Variants in PPIL1 observed in about 807,000 individuals in gnomAD.
PPIL1 encodes the protein peptidyl-prolyl cis-trans isomerase-like 1.
In PPIL1, 14 loss-of-function variants were observed where a neutral mutation model predicts 19.4. The ratio of observed to expected loss-of-function variants is 0.72; its 90% CI spans 0.48 to 1.13. PPIL1 has a LOEUF of 1.13. PPIL1 is among the 50% of genes most tolerant of loss of function. The pLI, the probability that PPIL1 is intolerant of heterozygous loss-of-function variation, is 0.00. For synonymous variants in PPIL1, 72 were observed against 73.6 expected (o/e 0.98, Z 0.11); for missense variants, 192 against 218.0 (o/e 0.88, Z 0.75).
In PPIL1 at chr6:36,871,850, G is replaced by A. The variant is rs1344518681; in HGVS notation, c.79C>T (p.Leu27=). 1.4e-5 allele frequency: 23 copies of A among 1,596,084 alleles called. No individual in the cohort carries two copies. The highest frequency in any genetic ancestry group is 1.9e-5 in the Non-Finnish European group (22 of 1,174,236). The change falls in exon 2 of 4, where the codon CTG becomes TTG. Residue 27 remains leucine (L), a synonymous_variant. Transcript: ENST00000373699. The stretch of plus-strand genomic sequence containing the variant: ...GTCTTTGGAGCATGCTTCCAGTACA[G>A]CTCCAGCACAATGATTCCCATGCTG... ...ETSMGIIVLE[L]YWKHAPKTCK...
chr6:36,873,654 C>G (rs1344046834), intron 1 of PPIL1, among the ~76,000 whole-genome samples: 1 of 151,952 alleles, frequency 6.6e-6, no homozygotes. Context: ...CAGGTTGGAG[C>G]CTGAAGATGT....
intron 2 of PPIL1, among the ~76,000 whole-genome samples, chr6:36,861,855 C>T (rs1727543221): frequency 6.6e-6 from 1 of 152,000 alleles, no homozygotes; most frequent in South Asian, 2.1e-4. Context: ...CGCCACCATG[C>T]CTGGCTAATT....
intron 2 of PPIL1, among the ~76,000 whole-genome samples, chr6:36,862,930 G>A (rs980233420): frequency 2.0e-5 from 3 of 152,298 alleles, no homozygotes; most frequent in East Asian, 1.9e-4. Flanking sequence ...GGTCAGAGAC[G>A]TCTGGATTCC....
chr6:36,860,326 C>T (rs1385603080), intron 2 of PPIL1, among the ~76,000 whole-genome samples: 2 of 151,950 alleles, frequency 1.3e-5, no homozygotes, highest in East Asian at 1.9e-4. Flanking sequence ...CGTGGTTGTG[C>T]GTGCCTGCAG....
chr6:36,858,011 C>T (rs1196760797), intron 2 of PPIL1, among the ~76,000 whole-genome samples: 2 of 151,748 alleles, frequency 1.3e-5, no homozygotes, highest in African/African-American at 2.4e-5. Context: ...AGGTGGATCA[C>T]GAGGTCATGA....
chr6:36,855,857 G>C lies in PPIL1; in HGVS notation c.457C>G (p.Pro153Ala), dbSNP rs1439803949. Reference sequence around the variant, plus strand: ...TTAATGATCTTCACGTCGTCCACAGGGCGGTCCTGGGAGTTTGTTTCTACC... The same window carrying C: ...TTAATGATCTTCACGTCGTCCACAGCGCGGTCCTGGGAGTTTGTTTCTACC... ...GMVETNSQDR[P>A]VDDVKIIKAY... The change falls in exon 4 of 4, where the codon CCT (proline) becomes GCT (alanine). Residue 153 changes from proline to alanine, a missense_variant. Transcript: ENST00000373699. The C allele has an allele frequency of 6.2e-7, 1 of 1,614,050 alleles. No homozygotes were observed. Among genetic ancestry groups the C allele is most frequent in the East Asian group, 2.2e-5 (1 of 44,874 alleles).
intron 2 of PPIL1, among the ~76,000 whole-genome samples, chr6:36,865,961 C>G (rs1312156568): frequency 6.6e-6 from 1 of 152,136 alleles, no homozygotes; most frequent in Non-Finnish European, 1.5e-5. Flanking sequence ...GTTCCTGGGG[C>G]TACCAAGAGG....
At chr6:36,872,015 G>T in intron 1 of PPIL1, 143 bp from the exon 2 acceptor site, 1 of 724,166 alleles carries the variant, frequency 1.4e-6, no homozygotes, top group Non-Finnish European at 2.0e-6. Flanking sequence ...CTCAGCAAAG[G>T]AAAACACCAC....
At chr6:36,871,955 G>T in intron 1 of PPIL1, 83 bp from the exon 2 acceptor site, 1 of 1,252,388 alleles carries the variant, frequency 8.0e-7, no homozygotes, top group Non-Finnish European at 1.1e-6. Flanking sequence ...CAGGACTCTT[G>T]ATTTTCAAGC....
chr6:36,871,986 A>G (rs2150661095), intron 1 of PPIL1, 114 bp from the exon 2 acceptor site: 7 of 977,546 alleles, frequency 7.2e-6, no homozygotes, highest in East Asian at 3.2e-5. Context: ...TGAAATTGTG[A>G]TAACCACTGG....
At chr6:36,859,424 C>CAAAAAAA (rs36097489) in intron 2 of PPIL1, among the ~76,000 whole-genome samples, 3 of 73,202 alleles carry the variant, frequency 4.1e-5, no homozygotes, top group African/African-American at 5.7e-5. Flanking sequence ...GACCCTGTCT[C>CAAAAAAA]AAAAAAAAAA....
intron 1 of PPIL1, 133 bp downstream of exon 1, chr6:36,874,584 C>A (rs1583125349): frequency 8.2e-7 from 1 of 1,223,632 alleles, no homozygotes; most frequent in Non-Finnish European, 1.2e-6. Flanking sequence ...CTCTGGGGGC[C>A]GTCTCGGCCG....
intron 1 of PPIL1, among the ~76,000 whole-genome samples, chr6:36,873,845 G>A (rs138788724): frequency 0.015 from 2,237 of 152,202 alleles, 24 homozygotes; most frequent in Middle Eastern, 0.075. Context: ...GTAGACAAGG[G>A]CCAGATGAAA....
At position 36,858,231 on chromosome 6, in the gene PPIL1, CAAAAAAAA is replaced by C. The variant is rs55719434; in HGVS notation, c.212-1585_212-1578del. Among the ~76,000 whole-genome samples, 61 of 68,176 alleles carry C rather than the reference CAAAAAAAA, an allele frequency of 8.9e-4. 1 individual carries two copies. Among genetic ancestry groups the C allele is most frequent in the African/African-American group, 3.3e-3 (57 of 17,288 alleles). The allele number at this position is 68,176 out of a possible 152,430, so 44.7% of individuals were successfully genotyped here. On this transcript the variant is annotated intron_variant, in intron 2 of 3. Coordinates refer to ENST00000373699, the MANE Select transcript of PPIL1 (RefSeq NM_016059.5). ...CCTGGGCGACAGAGCAAGACTGTCT[CAAAAAAAA>C]AAAAAAAAAAAAAAAAAGATGTAAG...
Position 36,855,856 on chromosome 6 carries a change from G to A in PPIL1, c.458C>T (p.Pro153Leu). 2 of 1,614,108 alleles carry A rather than the reference G, an allele frequency of 1.2e-6. No individual in the cohort carries two copies. The highest frequency in any genetic ancestry group is 1.7e-6 in the Non-Finnish European group (2 of 1,180,008). The change falls in exon 4 of 4, where the codon CCT becomes CTT. Residue 153 changes from proline (P) to leucine (L), a missense_variant. Transcript: ENST00000373699. ...GMVETNSQDRPVDDVKIIKAY... is the reference protein window; with the variant it reads ...GMVETNSQDRLVDDVKIIKAY... ...CTTAATGATCTTCACGTCGTCCACA[G>A]GGCGGTCCTGGGAGTTTGTTTCTAC...
chr6:36,872,811 T>C (rs1404761297), intron 1 of PPIL1, among the ~76,000 whole-genome samples: 2 of 152,192 alleles, frequency 1.3e-5, no homozygotes, highest in Non-Finnish European at 2.9e-5. Flanking sequence ...GGTTTCACCA[T>C]GTTGCCCGGG....
At chr6:36,871,625 A>T in intron 2 of PPIL1, 93 bp downstream of exon 2, 1 of 1,458,442 alleles carries the variant, frequency 6.9e-7, no homozygotes, top group South Asian at 1.3e-5. Context: ...CCTATTTACG[A>T]CAGAGACTTC....
At chr6:36,861,126 C>T (rs1774279815) in intron 2 of PPIL1, among the ~76,000 whole-genome samples, 1 of 152,132 alleles carries the variant, frequency 6.6e-6, no homozygotes, top group Admixed American at 6.5e-5. Flanking sequence ...ACAGGGGATA[C>T]ACAGGGTCAT....
intron 1 of PPIL1, among the ~76,000 whole-genome samples, chr6:36,872,582 T>C (rs1324240013): frequency 1.3e-5 from 2 of 151,852 alleles, no homozygotes; most frequent in Admixed American, 1.3e-4. Context: ...CTCCAGCACA[T>C]ACCTAGACTT....
Sources: allele counts gnomAD v4.1 joint callset (sites outside exome capture counted in the v4.1 genomes callset), GRCh38; gene constraint gnomAD v4.1.1; transcripts MANE v1.5; gene names NCBI Gene and HGNC (gene_info 2026-07-23, HGNC 2026-07-21).